The following HPGDS variants were observed in gnomAD, a reference collection of about 807,000 sequenced individuals.
HPGDS encodes GST class-sigma.
In HPGDS, 26 loss-of-function variants were observed where a neutral mutation model predicts 23.1. The observed-to-expected ratio is 1.13, with a 90% confidence interval of 0.83 to 1.56. HPGDS has a LOEUF of 1.56. Ranked by LOEUF, HPGDS falls within the 40% of genes most tolerant of loss-of-function variation. HPGDS has a pLI of 0.00. For synonymous variants in HPGDS, 95 were observed against 77.9 expected, an observed-to-expected ratio of 1.22 and a Z score of -1.16; for missense variants, 268 against 236.4, an observed-to-expected ratio of 1.13 and a Z score of -0.88.
chr4:94,337,385 A>T (rs1721044202), intron 1 of HPGDS, among the ~76,000 whole-genome samples: 2 of 152,030 alleles, frequency 1.3e-5, no homozygotes, highest in Non-Finnish European at 2.9e-5. Context: ...ATTAAAAGTT[A>T]TTAGCATTAC....
At chr4:94,333,550 C>A (rs1237537412) in intron 2 of HPGDS, among the ~76,000 whole-genome samples, 1 of 152,204 alleles carries the variant, frequency 6.6e-6, no homozygotes, top group Non-Finnish European at 1.5e-5. Context: ...AATGAAATTT[C>A]TGTCCTTTCT....
intron 4 of HPGDS, among the ~76,000 whole-genome samples, chr4:94,302,521 C>G (rs1756063280): frequency 6.6e-6 from 1 of 152,020 alleles, no homozygotes; most frequent in Non-Finnish European, 1.5e-5. Flanking sequence ...CCCACAAAAT[C>G]TTATTTTTTC....
intron 3 of HPGDS, among the ~76,000 whole-genome samples, chr4:94,312,467 C>G (rs1472959505): frequency 1.3e-5 from 2 of 152,140 alleles, no homozygotes; most frequent in Non-Finnish European, 2.9e-5. Context: ...GTTTCTTAAT[C>G]CTGAGTTCTA....
At chr4:94,301,280 T>C (rs2126034085) in intron 5 of HPGDS, among the ~76,000 whole-genome samples, 1 of 152,332 alleles carries the variant, frequency 6.6e-6, no homozygotes, top group Middle Eastern at 3.4e-3. Context: ...TAATCAGGTT[T>C]AGATTTGAAT....
At chr4:94,302,358 G>A in intron 4 of HPGDS, 114 bp from the exon 5 acceptor site, 1 of 698,794 alleles carries the variant, frequency 1.4e-6, no homozygotes, top group African/African-American at 1.8e-5. Context: ...AGAAGAAAGA[G>A]AAGTAGCTAG....
Position 94,334,480 on chromosome 4 carries a change from T to A in HPGDS, c.133+17A>T. On this transcript the variant is annotated intron_variant, in intron 2 of 5. Coordinates refer to ENST00000295256, the MANE Select transcript of HPGDS (RefSeq NM_014485.3). ...TGAAAGCATATTTTTCCTACATTTA[T>A]TATTTTTGCTACTTACTTGATTTGA... 1 of 1,560,794 alleles carries A rather than the reference T, an allele frequency of 6.4e-7. No homozygotes were observed. Among genetic ancestry groups the A allele is most frequent in the Non-Finnish European group, 8.7e-7 (1 of 1,155,888 alleles).
intron 1 of HPGDS, among the ~76,000 whole-genome samples, chr4:94,340,440 GC>G (rs1400242047): frequency 2.2e-5 from 3 of 135,050 alleles, no homozygotes; most frequent in African/African-American, 8.1e-5. Flanking sequence ...CCGGGTTCAC[GC>G]CATTCTCCTG....
intron 3 of HPGDS, among the ~76,000 whole-genome samples, chr4:94,313,418 A>G (rs906310416): frequency 6.6e-5 from 10 of 152,222 alleles, no homozygotes; most frequent in African/African-American, 2.4e-4. Flanking sequence ...GCTGGATATG[A>G]AATTCTGGGT....
rs995424359 is a variant in HPGDS, at chr4:94,312,984, T to G, written c.227-4241A>C. On this transcript the variant is annotated intron_variant, in intron 3 of 5. Coordinates refer to ENST00000295256, the MANE Select transcript of HPGDS (RefSeq NM_014485.3). Reference sequence around the variant, plus strand: ...CCCTGCTTTTTTTTTGTTTTCCATTTGCTTGGTAGATCTTCCTCCATCCCT... The same window carrying G: ...CCCTGCTTTTTTTTTGTTTTCCATTGGCTTGGTAGATCTTCCTCCATCCCT... Among the ~76,000 whole-genome samples the G allele has an allele frequency of 8.1e-4, 124 of 152,306 alleles. 1 individual carries two copies. Among genetic ancestry groups the G allele is most frequent in the Non-Finnish European group, 3.2e-4 (22 of 68,024 alleles).
intron 2 of HPGDS, 56 bp from the exon 3 acceptor site, chr4:94,318,021 CT>C (rs2126040238): frequency 1.0e-6 from 1 of 964,992 alleles, no homozygotes; most frequent in African/African-American, 1.6e-5. Context: ...AGTTATATTA[CT>C]TCCATTTTTA....
At chr4:94,340,311 C>CTTTTTCTTTTTTTTTTTTTTTTTTTTT (rs1560598005) in intron 1 of HPGDS, among the ~76,000 whole-genome samples, 1 of 23,678 alleles carries the variant, frequency 4.2e-5, no homozygotes, top group African/African-American at 1.5e-4. Flanking sequence ...CTTTCTTTCT[C>CTTTTTCTTTTTTTTTTTTTTTTTTTTT]TTTTTTTTTT....
chr4:94,319,654 A>G (rs1014083977), intron 2 of HPGDS, among the ~76,000 whole-genome samples: 27 of 152,164 alleles, frequency 1.8e-4, no homozygotes, highest in African/African-American at 5.8e-4. Context: ...GATGGTAGAT[A>G]TCATCCTTTC....
In HPGDS at chr4:94,340,311, C is replaced by CTTTTTCTTTTCTTTTTTTTTTTTT. The variant is rs1560598005; in HGVS notation, c.-10+2483_-10+2484insAAAAAAAAAAAAAGAAAAGAAAAA. Reference sequence around the variant, plus strand: ...TTTCTTTCTTTCTTTCTTTCTTTCTCTTTTTTTTTTTTTTTTTTTTTTTTT... The same window carrying CTTTTTCTTTTCTTTTTTTTTTTTT: ...TTTCTTTCTTTCTTTCTTTCTTTCTCTTTTTCTTTTCTTTTTTTTTTTTTTTTTTTTTTTTTTTTTTTTTTTTTT... On this transcript the variant is annotated intron_variant, in intron 1 of 5. Transcript: ENST00000295256. 7.2e-4 allele frequency among the ~76,000 whole-genome samples: 17 copies of CTTTTTCTTTTCTTTTTTTTTTTTT among 23,686 alleles called. 4 individuals are homozygous for CTTTTTCTTTTCTTTTTTTTTTTTT. Among genetic ancestry groups the CTTTTTCTTTTCTTTTTTTTTTTTT allele is most frequent in the Non-Finnish European group, 1.4e-3 (16 of 11,512 alleles). The allele number at this position is 23,686 out of a possible 152,430, so 15.5% of individuals were successfully genotyped here. A position where few individuals can be genotyped will look rare whatever the true frequency, so the allele number is the denominator to read the frequency against.
In HPGDS at chr4:94,299,136, G is replaced by T; in HGVS notation, c.*344C>A. ...GTGTTTTATGCAATTACAGGTAATTGTGGTAGCTGAAGTCCAAAACATTTT... is the reference window on the plus strand; with the variant it reads ...GTGTTTTATGCAATTACAGGTAATTTTGGTAGCTGAAGTCCAAAACATTTT... On this transcript the variant is annotated 3_prime_UTR_variant, in exon 6 of 6. Coordinates refer to ENST00000295256, the MANE Select transcript of HPGDS (RefSeq NM_014485.3). The T allele has an allele frequency of 5.4e-6, 1 of 186,862 alleles. No individual in the cohort carries two copies. Among genetic ancestry groups the T allele is most frequent in the South Asian group, 1.5e-4 (1 of 6,536 alleles). 11.6% of individuals were successfully genotyped at this position (186,862 alleles called of 1,614,324 possible).
chr4:94,314,440 G>C (rs1056776098), intron 3 of HPGDS, among the ~76,000 whole-genome samples: 21 of 152,200 alleles, frequency 1.4e-4, no homozygotes, highest in African/African-American at 5.1e-4. Context: ...AGCAGCGGAG[G>C]CTGCAGAACA....
rs896639156 is a variant in HPGDS at position 94,315,009 on chromosome 4, G to A, written c.226+2864C>T. Among the ~76,000 whole-genome samples, 23 of 152,316 alleles carry A rather than the reference G, an allele frequency of 1.5e-4. 1 individual carries two copies. In the Middle Eastern group the frequency reaches 0.01, roughly 68 times the overall value. On this transcript the variant is annotated intron_variant, in intron 3 of 5. Transcript: ENST00000295256. The stretch of plus-strand genomic sequence containing the variant: ...GGAAACGCGCAGTGTTAGGGTAGGA[G>A]TGACCCGATTTTCCAGGTGCCGTCT...
chr4:94,335,216 C>T (rs769828606), intron 1 of HPGDS, among the ~76,000 whole-genome samples: 2 of 152,188 alleles, frequency 1.3e-5, no homozygotes, highest in Non-Finnish European at 2.9e-5. Flanking sequence ...TGACTACATC[C>T]ACGCTACTGG....
At chr4:94,325,609 C>T (rs1030674495) in intron 2 of HPGDS, among the ~76,000 whole-genome samples, 2 of 152,216 alleles carry the variant, frequency 1.3e-5, no homozygotes, top group Non-Finnish European at 2.9e-5. Context: ...ATATAATCTC[C>T]TGTTGTGCCA....
chr4:94,340,932 C>T (rs1177478346), intron 1 of HPGDS, among the ~76,000 whole-genome samples: 1 of 149,152 alleles, frequency 6.7e-6, no homozygotes, highest in African/African-American at 2.5e-5. Flanking sequence ...GCAGCATCCG[C>T]CTCCCGGGTT....
Sources: gnomAD v4.1 joint callset for allele counts (sites outside exome capture counted in the v4.1 genomes callset) on GRCh38, gnomAD v4.1.1 for gene constraint, MANE v1.5 for transcripts, NCBI Gene and HGNC (gene_info 2026-07-23, HGNC 2026-07-21) for gene names.